The following PTGFRN variants were observed in gnomAD, a reference collection of about 807,000 sequenced individuals.
PTGFRN encodes the protein prostaglandin F2 receptor inhibitor, also known as prostaglandin F2 receptor negative regulator.
PTGFRN carries 35 observed loss-of-function variants against 83.2 expected under a neutral mutation model. The ratio of observed to expected loss-of-function variants is 0.42; its 90% confidence interval spans 0.32 to 0.56. The LOEUF (loss-of-function observed/expected upper bound fraction) is 0.56, where lower values mean the gene tolerates loss of function less well. PTGFRN is among the 20% of genes least tolerant of loss of function. The pLI is 0.11. For missense variants in PTGFRN, 1,051 were observed against 1,179.5 expected (o/e 0.89, Z 1.60); for synonymous variants, 519 against 498.6 (o/e 1.04, Z -0.55).
At chr1:116,985,119 C>A in intron 8 of PTGFRN, 134 bp downstream of exon 8, 1 of 930,340 alleles carries the variant, frequency 1.1e-6, no homozygotes, top group Non-Finnish European at 1.6e-6. Flanking sequence ...TAGACCTGGC[C>A]TGAGCCTGCA....
intron 1 of PTGFRN, among the ~76,000 whole-genome samples, chr1:116,930,718 G>C (rs1052860290): frequency 6.6e-6 from 1 of 151,970 alleles, no homozygotes; most frequent in Non-Finnish European, 1.5e-5. Flanking sequence ...CCCCACCATT[G>C]ATAGAGGGTC....
chr1:116,982,045 T>C (rs76662938), intron 7 of PTGFRN, among the ~76,000 whole-genome samples: 2,439 of 152,272 alleles, frequency 0.016, 75 homozygotes, highest in African/African-American at 0.056. Flanking sequence ...GTACCTGAGA[T>C]GGGGAAGACT....
At chr1:116,980,492 T>G (rs1370623192) in intron 7 of PTGFRN, among the ~76,000 whole-genome samples, 1 of 152,176 alleles carries the variant, frequency 6.6e-6, no homozygotes, top group Non-Finnish European at 1.5e-5. Flanking sequence ...TAAGAAAATG[T>G]GGCACATATA....
At chr1:116,925,202 C>T (rs988635046) in intron 1 of PTGFRN, among the ~76,000 whole-genome samples, 9 of 152,000 alleles carry the variant, frequency 5.9e-5, no homozygotes, top group Admixed American at 4.6e-4. Flanking sequence ...CTGAGGCGGG[C>T]GGATCGCTTG....
rs546093198 is a variant in PTGFRN at position 116,961,117 on chromosome 1, C to T, written c.1214-126C>T. ...CCAATGCAACGACTGATTTCTGTCT[C>T]TCTAGTCCGGCAGGAGAAGCATTTA... On this transcript the variant is annotated intron_variant, in intron 4 of 8. Coordinates refer to ENST00000393203, the MANE Select transcript of PTGFRN (RefSeq NM_020440.4). The surrounding 1 kb of genome is among the most constrained non-coding windows in gnomAD (Gnocchi z 5.4). 1.9e-5 allele frequency: 20 copies of T among 1,069,222 alleles called. No individual in the cohort carries two copies. The South Asian group carries it at 5.2e-4, about 28-fold the overall frequency. The allele number at this position is 1,069,222 out of a possible 1,614,324, so 66.2% of individuals were successfully genotyped here. A position where few individuals can be genotyped will look rare whatever the true frequency, so the allele number is the denominator to read the frequency against.
chr1:116,977,610 C>T (rs142529127), intron 7 of PTGFRN, among the ~76,000 whole-genome samples: 2,180 of 152,242 alleles, frequency 0.014, 51 homozygotes, highest in African/African-American at 0.05. Flanking sequence ...ACAACCTGCT[C>T]CTGAATGACT....
intron 4 of PTGFRN, among the ~76,000 whole-genome samples, chr1:116,954,384 G>A (rs1361642862): frequency 2.0e-5 from 3 of 151,986 alleles, no homozygotes; most frequent in African/African-American, 4.8e-5. Flanking sequence ...GGTGATCGTG[G>A]TGTCATTTTG....
chr1:116,910,689 G>A (rs1649247082), intron 1 of PTGFRN, among the ~76,000 whole-genome samples: 1 of 152,076 alleles, frequency 6.6e-6, no homozygotes, highest in Admixed American at 6.5e-5. Flanking sequence ...GCCGCCGGCC[G>A]GGTCGCTCTT....
At chr1:116,913,088 A>G (rs1254964618) in intron 1 of PTGFRN, among the ~76,000 whole-genome samples, 1 of 152,210 alleles carries the variant, frequency 6.6e-6, no homozygotes, top group African/African-American at 2.4e-5. Context: ...ACAAATGACA[A>G]AGACACAGCA....
intron 1 of PTGFRN, among the ~76,000 whole-genome samples, chr1:116,936,216 A>G (rs924778987): frequency 7.6e-5 from 11 of 143,992 alleles, no homozygotes; most frequent in Admixed American, 2.9e-4. Flanking sequence ...AGTTATATTT[A>G]TTTTTAAATA....
chr1:116,975,592 T>G (rs1651123206), intron 7 of PTGFRN, among the ~76,000 whole-genome samples: 2 of 152,234 alleles, frequency 1.3e-5, no homozygotes, highest in East Asian at 1.9e-4. Context: ...CAACCTCCAC[T>G]GCTGATACCC....
chr1:116,919,587 A>G (rs1321701975), intron 1 of PTGFRN, among the ~76,000 whole-genome samples: 1 of 152,138 alleles, frequency 6.6e-6, no homozygotes, highest in Non-Finnish European at 1.5e-5. Flanking sequence ...TCATAGCCCC[A>G]TGAGAGTAGG....
intron 1 of PTGFRN, among the ~76,000 whole-genome samples, chr1:116,917,775 C>T (rs1381680075): frequency 6.6e-6 from 1 of 152,034 alleles, no homozygotes; most frequent in Non-Finnish European, 1.5e-5. Flanking sequence ...GACTGCACAA[C>T]CAGGCCTGGT....
chr1:116,922,994 C>T (rs749162968), intron 1 of PTGFRN, among the ~76,000 whole-genome samples: 9 of 152,170 alleles, frequency 5.9e-5, no homozygotes, highest in Admixed American at 1.3e-4. Flanking sequence ...GGAGCGCTGC[C>T]GCCTACAGCA....
At chr1:116,938,294 T>G (rs532287441) in intron 1 of PTGFRN, among the ~76,000 whole-genome samples, 2 of 152,328 alleles carry the variant, frequency 1.3e-5, no homozygotes, top group African/African-American at 4.8e-5. Context: ...TAGTCCGTTT[T>G]CACGCTGCTG....
intron 6 of PTGFRN, among the ~76,000 whole-genome samples, chr1:116,970,606 G>T (rs1439940084): frequency 6.6e-6 from 1 of 152,120 alleles, no homozygotes; most frequent in Non-Finnish European, 1.5e-5. Context: ...AGATAAAACC[G>T]CTGTAGCTTC....
chr1:116,941,949 G>A lies in PTGFRN; in HGVS notation c.284G>A (p.Arg95Lys), dbSNP rs1650074337. 2 of 1,614,212 alleles carry A rather than the reference G, an allele frequency of 1.2e-6. No homozygotes were observed. The highest frequency in any genetic ancestry group is 1.7e-6 in the Non-Finnish European group (2 of 1,180,046). ...ERLQRGEILLRRTANDAVELH... is the reference protein window; with the variant it reads ...ERLQRGEILLKRTANDAVELH... ...CTGCAGAGGGGCGAGATCCTGTTAAGGCGGACTGCCAACGACGCCGTGGAG... is the reference window on the plus strand; with the variant it reads ...CTGCAGAGGGGCGAGATCCTGTTAAAGCGGACTGCCAACGACGCCGTGGAG... The change falls in exon 2 of 9, where the codon AGG becomes AAG. Residue 95 changes from arginine (R) to lysine (K), a missense_variant. Around this residue, in one of 3 missense-constraint regions of PTGFRN, gnomAD observed 127 missense variants for 168.4 expected, o/e 0.75. Coordinates refer to ENST00000393203, the MANE Select transcript of PTGFRN (RefSeq NM_020440.4). This position sits in a 1 kb window ranked among gnomAD's most constrained non-coding sequence, Gnocchi z 5.0.
At chr1:116,986,736 G>A in intron 8 of PTGFRN, 65 bp from the exon 9 acceptor site, 2 of 1,515,180 alleles carry the variant, frequency 1.3e-6, no homozygotes, top group South Asian at 1.1e-5. Context: ...AGGGAGGCGA[G>A]GGTGCCCCCA....
At chr1:116,910,817 C>A (rs922551879) in intron 1 of PTGFRN, among the ~76,000 whole-genome samples, 3 of 152,288 alleles carry the variant, frequency 2.0e-5, no homozygotes, top group Admixed American at 1.3e-4. Flanking sequence ...CGAGTCCTGC[C>A]GTCATTTTCG....
Sources: allele counts gnomAD v4.1 joint callset (sites outside exome capture counted in the v4.1 genomes callset), GRCh38; gene constraint gnomAD v4.1.1; regional missense constraint gnomAD v4.1.1; non-coding constraint Gnocchi (gnomAD v3.1); transcripts MANE v1.5; gene names NCBI Gene and HGNC (gene_info 2026-07-23, HGNC 2026-07-21).